The following MED17 variants were observed in gnomAD, a reference collection of about 807,000 sequenced individuals.
MED17 encodes the protein mediator complex subunit 17, also known as mediator of RNA polymerase II transcription subunit 17.
A neutral mutation model predicts 80.8 loss-of-function variants in MED17; 49 were observed. The observed-to-expected ratio is 0.61, with a 90% confidence interval of 0.48 to 0.77. The LOEUF is 0.77. MED17 is among the 30% of genes least tolerant of loss of function. MED17 has a pLI of 0.00. For missense variants in MED17, 718 were observed against 787.0 expected, an observed-to-expected ratio of 0.91 and a Z score of 1.05; for synonymous variants, 281 against 280.4, an observed-to-expected ratio of 1.00 and a Z score of -0.02.
At chr11:93,808,655 T>A (rs1944053898) in intron 10 of MED17, 1 of 151,638 alleles carries the variant, frequency 6.6e-6, no homozygotes, top group East Asian at 2.0e-4. Flanking sequence ...AGCAATAATC[T>A]TATATACTGA....
intron 9 of MED17, chr11:93,806,635 C>A (rs183919116): frequency 6.6e-6 from 1 of 152,286 alleles, no homozygotes; most frequent in African/African-American, 2.4e-5. Context: ...TCTTTCTGTA[C>A]GAGAATTTGC....
At position 93,784,575 on chromosome 11, in the gene MED17, A is replaced by G. The variant is rs1943747650; in HGVS notation, c.62A>G (p.Glu21Gly). The G allele has an allele frequency of 6.2e-7, 1 of 1,612,074 alleles. No homozygotes were observed. The change falls in exon 1 of 12, where the codon GAG becomes GGG. Residue 21 changes from glutamate to glycine, a missense_variant. By Grantham distance (98) the Glu-to-Gly change is moderately conservative (BLOSUM62 -2). Coordinates refer to ENST00000251871, the MANE Select transcript of MED17 (RefSeq NM_004268.5). ...TCGGCCTGCGAGAAGCAGGTCCATGAGGTGGGCCTGGATGGCACCGAGACG... is the reference window on the plus strand; with the variant it reads ...TCGGCCTGCGAGAAGCAGGTCCATGGGGTGGGCCTGGATGGCACCGAGACG... ...IESACEKQVH[E>G]VGLDGTETYL...
At position 93,807,503 on chromosome 11, in the gene MED17, T is replaced by C. The variant is rs755883215; in HGVS notation, c.1467-15T>C. On this transcript the variant is annotated splice_polypyrimidine_tract_variant and intron_variant, in intron 9 of 11. Coordinates refer to ENST00000251871, the MANE Select transcript of MED17 (RefSeq NM_004268.5). ...TTTTGAACATCTCTGATTTTTAGTA[T>C]GTGTGTCTATAAAGGTCCATTCAAC... The C allele has an allele frequency of 7.4e-7, 1 of 1,348,450 alleles. No individual in the cohort carries two copies. Among genetic ancestry groups the C allele is most frequent in the South Asian group, 1.2e-5 (1 of 85,760 alleles). The allele number at this position is 1,348,450 out of a possible 1,614,324, so 83.5% of individuals were successfully genotyped here. A position where few individuals can be genotyped will look rare whatever the true frequency, so the allele number is the denominator to read the frequency against.
At chr11:93,793,488 A>G (rs1221029911) in intron 3 of MED17, 1 of 421,230 alleles carries the variant, frequency 2.4e-6, no homozygotes, top group Non-Finnish European at 4.2e-6. Context: ...AATTCTTATT[A>G]TGTTGATGTC....
At chr11:93,796,979 A>G (rs1327659939) in intron 7 of MED17, 1 of 232,562 alleles carries the variant, frequency 4.3e-6, no homozygotes, top group Non-Finnish European at 8.5e-6. Flanking sequence ...ATAGAATTAT[A>G]TATTACAGCC....
chr11:93,802,915 C>A (rs1377512766), intron 9 of MED17, among the ~76,000 whole-genome samples: 1 of 152,158 alleles, frequency 6.6e-6, no homozygotes, highest in African/African-American at 2.4e-5. Flanking sequence ...TTTGGCCTAC[C>A]TTTTGAGCCT....
In MED17 at chr11:93,792,576, T is replaced by G. The variant is rs117939944; in HGVS notation, c.638-1152T>G. Reference sequence around the variant, plus strand: ...AAAACCAGTTACATTGAACCACCTATTTCTTATGTAATTCAATGGCCCAGA... The same window carrying G: ...AAAACCAGTTACATTGAACCACCTAGTTCTTATGTAATTCAATGGCCCAGA... On this transcript the variant is annotated intron_variant, in intron 3 of 11. Coordinates refer to ENST00000251871, the MANE Select transcript of MED17 (RefSeq NM_004268.5). Among the ~76,000 whole-genome samples the G allele has an allele frequency of 3.5e-3, 539 of 152,266 alleles. 12 individuals are homozygous for G. In the East Asian group the frequency reaches 0.057, roughly 16 times the overall value.
intron 3 of MED17, 37 bp from the exon 4 acceptor site, chr11:93,793,691 A>G: frequency 7.1e-7 from 1 of 1,400,886 alleles, no homozygotes; most frequent in East Asian, 2.3e-5. Flanking sequence ...TAATATGTTA[A>G]CTGTTTTATA....
chr11:93,791,426 G>A (rs906749441), intron 3 of MED17, among the ~76,000 whole-genome samples: 3 of 151,938 alleles, frequency 2.0e-5, no homozygotes, highest in African/African-American at 7.3e-5. Context: ...TGAACATGGC[G>A]GGGTGCAGTG....
intron 11 of MED17, 30 bp downstream of exon 11, chr11:93,809,906 A>T (rs369065097): frequency 4.2e-5 from 68 of 1,613,108 alleles, no homozygotes; most frequent in Non-Finnish European, 5.4e-5. Context: ...ATGAGAAGGG[A>T]CCATTGGGAG....
chr11:93,785,407 A>G (rs72976574), intron 1 of MED17, among the ~76,000 whole-genome samples: 1 of 152,300 alleles, frequency 6.6e-6, no homozygotes, highest in Non-Finnish European at 1.5e-5. Flanking sequence ...AGAAATAATG[A>G]GTGGGTTTCA....
chr11:93,807,603 G>A lies in MED17; in HGVS notation c.1552G>A (p.Glu518Lys), dbSNP rs1486747361. ...AAGAGTAATTACACTGTCTTATCAG[G>A]AGCAGGAGCTACAGGATTTTCTTCT... is the stretch of plus-strand genomic sequence containing the variant. ...DGRVITLSYQ[E>K]QELQDFLLSQ... Residue 518 changes from glutamate to lysine, a missense_variant, in exon 10 of 12, where the codon GAG becomes AAG. Glu to Lys is a moderately conservative substitution (Grantham distance 56). Coordinates refer to ENST00000251871, the MANE Select transcript of MED17 (RefSeq NM_004268.5). 1.9e-6 allele frequency: 3 copies of A among 1,612,296 alleles called. No homozygotes were observed. Among genetic ancestry groups the A allele is most frequent in the South Asian group, 2.2e-5 (2 of 91,042 alleles).
chr11:93,789,089 G>C (rs917767864), intron 2 of MED17: 4 of 152,148 alleles, frequency 2.6e-5, no homozygotes, highest in African/African-American at 9.7e-5. Context: ...GAGGCTACTT[G>C]GGTCCTTAAG....
chr11:93,789,677 A>T (rs1246518798), intron 2 of MED17: 3 of 152,036 alleles, frequency 2.0e-5, no homozygotes, highest in African/African-American at 7.2e-5. Context: ...AGTACATTTA[A>T]TATTAACAAT....
In MED17 at chr11:93,798,531, TA is replaced by T. The variant is rs779097370; in HGVS notation, c.1328+815del. On this transcript the variant is annotated intron_variant, in intron 8 of 11. Transcript: ENST00000251871. ...TTTTTAGTACATTAGTTTGTAGTCT[TA>T]AAGTGGAAATTTAGGTCCTTCAGCT... is the stretch of plus-strand genomic sequence containing the variant. Among the ~76,000 whole-genome samples, 4 of 152,318 alleles carry T rather than the reference TA, an allele frequency of 2.6e-5. No individual in the cohort carries two copies. The East Asian group carries it at 7.7e-4, about 29-fold the overall frequency.
intron 10 of MED17, chr11:93,809,179 A>T: frequency 4.7e-6 from 1 of 213,188 alleles, no homozygotes; most frequent in South Asian, 8.2e-5. Flanking sequence ...GTCGTGTAGA[A>T]CAGTCCATCT....
At position 93,792,575 on chromosome 11, in the gene MED17, A is replaced by G. The variant is rs1028614421; in HGVS notation, c.638-1153A>G. 2.6e-5 allele frequency among the ~76,000 whole-genome samples: 4 copies of G among 152,152 alleles called. No individual in the cohort carries two copies. In the South Asian group the frequency reaches 6.2e-4, roughly 24 times the overall value. ...TAAAACCAGTTACATTGAACCACCT[A>G]TTTCTTATGTAATTCAATGGCCCAG... On this transcript the variant is annotated intron_variant, in intron 3 of 11. Coordinates refer to ENST00000251871, the MANE Select transcript of MED17 (RefSeq NM_004268.5).
intron 10 of MED17, 91 bp downstream of exon 10, chr11:93,807,726 T>G: frequency 1.1e-6 from 1 of 875,346 alleles, no homozygotes; most frequent in Non-Finnish European, 1.9e-6. Flanking sequence ...TGTAATAAAT[T>G]GTGTAAGAAG....
chr11:93,785,367 C>T (rs537964661), intron 1 of MED17, among the ~76,000 whole-genome samples: 4 of 151,844 alleles, frequency 2.6e-5, no homozygotes, highest in Non-Finnish European at 5.9e-5. Context: ...GAAAGCAAAA[C>T]TGGAAGGGAG....
Sources: gnomAD v4.1 joint callset for allele counts (sites outside exome capture counted in the v4.1 genomes callset) on GRCh38, gnomAD v4.1.1 for gene constraint, MANE v1.5 for transcripts, NCBI Gene and HGNC (gene_info 2026-07-23, HGNC 2026-07-21) for gene names.